The following MYO16 variants were observed in gnomAD, a reference collection of about 807,000 sequenced individuals.
The protein encoded by MYO16 is unconventional myosin-XVI.
In MYO16, 94 loss-of-function variants were observed where a neutral mutation model predicts 205.3. The ratio of observed to expected loss-of-function variants is 0.46; its 90% CI spans 0.39 to 0.54. MYO16 has a LOEUF of 0.54. Ranked by LOEUF, MYO16 falls within the 20% of genes least tolerant of loss-of-function variation. MYO16 has a pLI of 0.00. For missense variants in MYO16, 2,315 were observed against 2,387.5 expected, an observed-to-expected ratio of 0.97 and a Z score of 0.63; for synonymous variants, 988 against 954.0, an observed-to-expected ratio of 1.04 and a Z score of -0.66.
chr13:108,558,780 A>G, the MYO16 span, among the ~76,000 whole-genome samples: 4 of 152,332 alleles, frequency 2.6e-5, no homozygotes, highest in African/African-American at 9.6e-5. Context: ...CTGCAAGAAA[A>G]CAGTTCAAAC....
chr13:109,004,814 T>C (rs1010529352), intron 21 of MYO16, among the ~76,000 whole-genome samples: 4 of 152,210 alleles, frequency 2.6e-5, no homozygotes, highest in African/African-American at 9.6e-5. Flanking sequence ...CACTCCTCCC[T>C]CTGCCAGCTA....
intron 24 of MYO16, among the ~76,000 whole-genome samples, chr13:109,049,638 A>G (rs1887172370): frequency 6.6e-6 from 1 of 151,800 alleles, no homozygotes; most frequent in Non-Finnish European, 1.5e-5. Context: ...TATTAGAGGC[A>G]TTTTCTCAAT....
rs199809234 is a variant in MYO16, at chr13:108,870,352, C to CT, written c.1425+4118dup. ...TGAAAAAGATAAGCCTCCAATTTTT[C>CT]TTTTTTTTATTAAAAAAATCTTCTA... On this transcript the variant is annotated intron_variant, in intron 12 of 34. Coordinates refer to ENST00000457511, the MANE Select transcript of MYO16 (RefSeq NM_001198950.3). Among the ~76,000 whole-genome samples, 471 of 151,716 alleles carry CT rather than the reference C, an allele frequency of 3.1e-3. 2 individuals are homozygous for CT. Among genetic ancestry groups the CT allele is most frequent in the African/African-American group, 9.2e-3 (382 of 41,430 alleles).
chr13:108,745,820 C>T (rs768409373), intron 4 of MYO16, among the ~76,000 whole-genome samples: 6 of 152,128 alleles, frequency 3.9e-5, no homozygotes, highest in Admixed American at 2.0e-4. Context: ...AAGAGATGGA[C>T]GATGTAAGCA....
chr13:108,577,673 GGTATTAAA>G, the MYO16 span, among the ~76,000 whole-genome samples: 17 of 152,076 alleles, frequency 1.1e-4, no homozygotes, highest in Admixed American at 6.6e-5. Flanking sequence ...TCCATCACTT[GGTATTAAA>G]GTTGTCAGAC....
chr13:108,501,079 C>T, the MYO16 span, among the ~76,000 whole-genome samples: 11 of 152,132 alleles, frequency 7.2e-5, 1 homozygote, highest in Non-Finnish European at 1.5e-4. Flanking sequence ...ATCATCTTCC[C>T]CCAAATACCC....
At chr13:109,023,261 A>G (rs1369974211) in intron 23 of MYO16, among the ~76,000 whole-genome samples, 2 of 93,860 alleles carry the variant, frequency 2.1e-5, no homozygotes, top group South Asian at 3.8e-4. Context: ...TTTATATATT[A>G]TACAGATATA....
chr13:109,064,611 A>G (rs1887688972), intron 27 of MYO16, among the ~76,000 whole-genome samples: 1 of 152,126 alleles, frequency 6.6e-6, no homozygotes, highest in Admixed American at 6.5e-5. Flanking sequence ...TGTTGTTATT[A>G]TTATTGTTTT....
intron 20 of MYO16, 150 bp from the exon 21 acceptor site, chr13:108,992,226 A>G (rs955922900): frequency 2.0e-6 from 1 of 507,112 alleles, no homozygotes; most frequent in Non-Finnish European, 3.4e-6. Flanking sequence ...GTTTTTTTTA[A>G]TGAGACTCTA....
At chr13:108,878,526 G>T (rs915955518) in intron 12 of MYO16, among the ~76,000 whole-genome samples, 1 of 152,100 alleles carries the variant, frequency 6.6e-6, no homozygotes, top group African/African-American at 2.4e-5. Context: ...CTTCAAGTCC[G>T]TGTGTGATCT....
chr13:108,866,810 A>C (rs1486518206), intron 12 of MYO16, among the ~76,000 whole-genome samples: 1 of 152,158 alleles, frequency 6.6e-6, no homozygotes, highest in African/African-American at 2.4e-5. Flanking sequence ...GTGTAACAAC[A>C]AGGCTGGTTC....
chr13:108,678,113 C>T (rs1273196600), intron 2 of MYO16, among the ~76,000 whole-genome samples: 1 of 152,144 alleles, frequency 6.6e-6, no homozygotes. Context: ...TGTAGACGTG[C>T]CATTTATAAG....
intron 20 of MYO16, among the ~76,000 whole-genome samples, chr13:108,977,471 C>G (rs1884304568): frequency 6.6e-6 from 1 of 152,102 alleles, no homozygotes; most frequent in South Asian, 2.1e-4. Context: ...CAAGTTGTGC[C>G]CTGCATCCTG....
chr13:108,938,918 G>C (rs1439433109), intron 16 of MYO16, among the ~76,000 whole-genome samples: 1 of 152,224 alleles, frequency 6.6e-6, no homozygotes, highest in Non-Finnish European at 1.5e-5. Context: ...ATCAGATCCA[G>C]GTCACCAGGC....
intron 29 of MYO16, among the ~76,000 whole-genome samples, chr13:109,122,720 C>T (rs954031076): frequency 3.2e-4 from 48 of 150,004 alleles, no homozygotes; most frequent in Non-Finnish European, 6.1e-4. Context: ...TAAAAAATTA[C>T]ATCAAGATAG....
chr13:109,116,694 C>A (rs1171587921), intron 28 of MYO16, among the ~76,000 whole-genome samples: 1 of 152,220 alleles, frequency 6.6e-6, no homozygotes, highest in Non-Finnish European at 1.5e-5. Flanking sequence ...CTATCCTGAG[C>A]TTCCCCTTTT....
chr13:109,141,638 A>C lies in MYO16; in HGVS notation c.5164+262A>C, dbSNP rs1259952059. On this transcript the variant is annotated intron_variant, in intron 32 of 34. Transcript: ENST00000457511. This position sits in a 1 kb window ranked among gnomAD's most constrained non-coding sequence, Gnocchi z 4.1. The stretch of plus-strand genomic sequence containing the variant: ...CGCAGACCGCAACTGGATTTAATAA[A>C]TTATAACTTGATAAATGTTCGACAG... 6.6e-6 allele frequency among the ~76,000 whole-genome samples: 1 copy of C among 152,244 alleles called. No homozygotes were observed. The highest frequency in any genetic ancestry group is 1.5e-5 in the Non-Finnish European group (1 of 68,044).
intron 34 of MYO16, among the ~76,000 whole-genome samples, chr13:109,181,181 A>G (rs1879436302): frequency 6.6e-6 from 1 of 152,280 alleles, no homozygotes; most frequent in East Asian, 1.9e-4. Flanking sequence ...GATTTCAAAG[A>G]GGCCTTGTTT....
chr13:108,567,356 G>A, the MYO16 span, among the ~76,000 whole-genome samples: 2 of 152,138 alleles, frequency 1.3e-5, no homozygotes, highest in East Asian at 1.9e-4. Flanking sequence ...GAGAAAAGAG[G>A]ATTTCTTGAC....
Sources: gnomAD v4.1 joint callset for allele counts (sites outside exome capture counted in the v4.1 genomes callset) on GRCh38, gnomAD v4.1.1 for gene constraint, Gnocchi (gnomAD v3.1) non-coding constraint, MANE v1.5 for transcripts, NCBI Gene and HGNC (gene_info 2026-07-23, HGNC 2026-07-21) for gene names.